OPN3: variants seen among roughly 807,000 people sequenced by gnomAD.
OPN3 encodes the protein opsin 3.
OPN3 carries 29 observed loss-of-function variants against 33.8 expected under a neutral mutation model. The observed-to-expected ratio is 0.86, with a 90% CI of 0.64 to 1.17. The LOEUF (loss-of-function observed/expected upper bound fraction) is 1.17, where lower values mean the gene tolerates loss of function less well. Ranked by LOEUF, OPN3 falls within the 50% of genes most tolerant of loss-of-function variation. The pLI is 0.00. For missense variants in OPN3, 437 were observed against 514.1 expected (o/e 0.85, Z 1.45); for synonymous variants, 216 against 216.1 (o/e 1.00, Z 0.00).
Position 241,594,365 on chromosome 1 carries a change from A to T in OPN3, c.*63T>A. The T allele has an allele frequency of 6.5e-7, 1 of 1,542,250 alleles. No individual in the cohort carries two copies. The highest frequency in any genetic ancestry group is 8.8e-7 in the Non-Finnish European group (1 of 1,133,568). On this transcript the variant is annotated 3_prime_UTR_variant, in exon 4 of 4. Coordinates refer to ENST00000366554, the MANE Select transcript of OPN3 (RefSeq NM_014322.3). The stretch of plus-strand genomic sequence containing the variant: ...AGAACGGGTATTCCAGACACTTCTT[A>T]TGATGAAAGTCCAAAAGTGGCATCC...
At chr1:241,633,782 G>T (rs772627535) in intron 1 of OPN3, 17 of 1,611,944 alleles carry the variant, frequency 1.1e-5, no homozygotes, top group African/African-American at 2.7e-5. Context: ...ACAGCATTTC[G>T]AGATTGCTCT....
intron 3 of OPN3, 108 bp downstream of exon 3, chr1:241,597,638 G>C (rs936775561): frequency 3.0e-6 from 3 of 995,912 alleles, no homozygotes; most frequent in Non-Finnish European, 4.1e-6. Flanking sequence ...AAAAATTCTT[G>C]TTTTTTTTTT....
chr1:241,596,364 C>G (rs979682137), intron 3 of OPN3, among the ~76,000 whole-genome samples: 1 of 152,096 alleles, frequency 6.6e-6, no homozygotes, highest in East Asian at 1.9e-4. Context: ...GAGGCCAACT[C>G]AAGGAATGTT....
intron 1 of OPN3, among the ~76,000 whole-genome samples, chr1:241,627,147 A>G (rs1421599263): frequency 6.6e-6 from 1 of 152,222 alleles, no homozygotes; most frequent in African/African-American, 2.4e-5. Context: ...TAAGCTCGAC[A>G]TATCAGAATA....
chr1:241,615,146 C>T (rs1664092179), intron 1 of OPN3, among the ~76,000 whole-genome samples: 1 of 149,312 alleles, frequency 6.7e-6, no homozygotes, highest in Non-Finnish European at 1.5e-5. Flanking sequence ...AGTAACTTCT[C>T]TGTGGAATTA....
chr1:241,634,997 A>G, intron 1 of OPN3: 1 of 1,613,640 alleles, frequency 6.2e-7, no homozygotes, highest in Non-Finnish European at 8.5e-7. Flanking sequence ...TTTAAATTCT[A>G]CATAACGACT....
At chr1:241,634,759 T>C (rs373369407) in intron 1 of OPN3, 41 of 1,613,900 alleles carry the variant, frequency 2.5e-5, no homozygotes, top group Admixed American at 6.7e-5. Flanking sequence ...GTACAAAATG[T>C]TGAAGGTTGG....
Position 241,593,609 on chromosome 1 carries a change from G to C in OPN3, c.*819C>G, listed in dbSNP as rs764081454. 1 of 219,714 alleles carries C rather than the reference G, an allele frequency of 4.6e-6. No homozygotes were observed. The highest frequency in any genetic ancestry group is 9.9e-6 in the Non-Finnish European group (1 of 100,976). The allele number at this position is 219,714 out of a possible 1,614,324, so 13.6% of individuals were successfully genotyped here. A position where few individuals can be genotyped will look rare whatever the true frequency, so the allele number is the denominator to read the frequency against. On this transcript the variant is annotated 3_prime_UTR_variant, in exon 4 of 4. Coordinates refer to ENST00000366554, the MANE Select transcript of OPN3 (RefSeq NM_014322.3). ...CCTATAACAAAAGACAGATTGACAA[G>C]AGAAAAACAAACATAAATTTATTAG...
chr1:241,637,255 A>C (rs968600832), intron 1 of OPN3, among the ~76,000 whole-genome samples: 6 of 152,238 alleles, frequency 3.9e-5, no homozygotes, highest in Non-Finnish European at 8.8e-5. Flanking sequence ...GATACTGGAA[A>C]AACAAGCCAT....
chr1:241,634,200 C>T, intron 1 of OPN3: 1 of 1,613,974 alleles, frequency 6.2e-7, no homozygotes. Flanking sequence ...ACCACTGATT[C>T]TAAGTCTTCT....
chr1:241,595,487 G>A (rs1484035329), intron 3 of OPN3: 1 of 152,150 alleles, frequency 6.6e-6, no homozygotes, highest in African/African-American at 2.4e-5. Context: ...CTGAAATGTT[G>A]GGGTTGCTTG....
At chr1:241,627,222 C>CA (rs1664445054) in intron 1 of OPN3, among the ~76,000 whole-genome samples, 1 of 152,080 alleles carries the variant, frequency 6.6e-6, no homozygotes, top group South Asian at 2.1e-4. Context: ...GGAGTTGGCC[C>CA]ATTTTATTAT....
chr1:241,597,357 A>G (rs142496581), intron 3 of OPN3, among the ~76,000 whole-genome samples: 1 of 152,314 alleles, frequency 6.6e-6, no homozygotes, highest in Non-Finnish European at 1.5e-5. Flanking sequence ...TAAAACAAGG[A>G]ATAATATTAG....
At chr1:241,610,187 C>T (rs976514436) in intron 1 of OPN3, among the ~76,000 whole-genome samples, 14 of 152,234 alleles carry the variant, frequency 9.2e-5, no homozygotes, top group Non-Finnish European at 1.6e-4. Flanking sequence ...GCCCAGGCTG[C>T]AAACTGCCCG....
chr1:241,605,875 T>C (rs1390815648), intron 1 of OPN3, among the ~76,000 whole-genome samples: 1 of 152,252 alleles, frequency 6.6e-6, no homozygotes, highest in Non-Finnish European at 1.5e-5. Context: ...GGCTTTTAAC[T>C]TCTAGCTAAC....
chr1:241,631,001 C>T (rs1664613661), intron 1 of OPN3: 1 of 152,038 alleles, frequency 6.6e-6, no homozygotes, highest in Non-Finnish European at 1.5e-5. Flanking sequence ...GTACTGAGAA[C>T]ATGTCTGCCT....
intron 1 of OPN3, among the ~76,000 whole-genome samples, chr1:241,636,694 A>C (rs1467724599): frequency 5.3e-5 from 8 of 152,226 alleles, no homozygotes; most frequent in Non-Finnish European, 1.2e-4. Flanking sequence ...AAAATGTATT[A>C]AAAATATTAT....
chr1:241,605,066 A>AAT (rs1553354022), intron 1 of OPN3, among the ~76,000 whole-genome samples: 5,846 of 120,576 alleles, frequency 0.048, 253 homozygotes, highest in African/African-American at 0.15. Context: ...AAAAAAAAAA[A>AAT]AAATAAAATA....
chr1:241,608,611 A>C (rs2148005055), intron 1 of OPN3, among the ~76,000 whole-genome samples: 1 of 152,356 alleles, frequency 6.6e-6, no homozygotes, highest in South Asian at 2.1e-4. Context: ...TCAGAGCTGA[A>C]GTATGAAAAA....
Sources: allele counts gnomAD v4.1 joint callset (sites outside exome capture counted in the v4.1 genomes callset), GRCh38; gene constraint gnomAD v4.1.1; transcripts MANE v1.5; gene names NCBI Gene and HGNC (gene_info 2026-07-23, HGNC 2026-07-21).